The following TMEM212 variants were observed in gnomAD, a reference collection of about 807,000 sequenced individuals.
The protein encoded by TMEM212 is transmembrane protein 212.
TMEM212 carries 23 observed loss-of-function variants against 20.5 expected under a neutral mutation model. The observed-to-expected ratio is 1.12, with a 90% CI of 0.81 to 1.59. The LOEUF is 1.59. Ranked by LOEUF, TMEM212 falls within the 40% of genes most tolerant of loss-of-function variation. The pLI is 0.00. For missense variants in TMEM212, 211 were observed against 215.0 expected (o/e 0.98, Z 0.12); for synonymous variants, 76 against 81.6 (o/e 0.93, Z 0.37).
At chr3:171,844,011 C>T (rs908884268) in intron 1 of TMEM212, among the ~76,000 whole-genome samples, 21 of 152,206 alleles carry the variant, frequency 1.4e-4, no homozygotes, top group African/African-American at 4.8e-4. Flanking sequence ...GTTTTTCCAC[C>T]TTTCTCTTGC....
intron 1 of TMEM212, among the ~76,000 whole-genome samples, chr3:171,848,830 T>G (rs1233511119): frequency 3.3e-5 from 5 of 151,462 alleles, no homozygotes; most frequent in Admixed American, 2.6e-4. Context: ...TGGCTAGAGT[T>G]GAAAAAATAA....
At chr3:171,848,879 C>G (rs1046697420) in intron 1 of TMEM212, among the ~76,000 whole-genome samples, 5 of 151,148 alleles carry the variant, frequency 3.3e-5, no homozygotes, top group Admixed American at 6.6e-5. Context: ...TCTAGGCCTC[C>G]CCGTATTCCA....
At chr3:171,848,392 C>T (rs1724885966) in intron 1 of TMEM212, among the ~76,000 whole-genome samples, 2 of 152,178 alleles carry the variant, frequency 1.3e-5, no homozygotes, top group Admixed American at 6.5e-5. Flanking sequence ...ACAAGGCATA[C>T]CCCTATGCAT....
At chr3:171,853,150 T>C (rs1725024021) in intron 2 of TMEM212, among the ~76,000 whole-genome samples, 1 of 152,122 alleles carries the variant, frequency 6.6e-6, no homozygotes, top group Non-Finnish European at 1.5e-5. Flanking sequence ...TCTCCTCTGG[T>C]GTAGATTGAA....
chr3:171,851,742 C>A (rs1273767642), intron 1 of TMEM212, among the ~76,000 whole-genome samples: 1 of 152,192 alleles, frequency 6.6e-6, no homozygotes, highest in Admixed American at 6.5e-5. Flanking sequence ...ATGGCAAAGG[C>A]AACATAGAGA....
At chr3:171,852,618 T>C (rs1725003168) in intron 2 of TMEM212, among the ~76,000 whole-genome samples, 1 of 152,216 alleles carries the variant, frequency 6.6e-6, no homozygotes, top group Admixed American at 6.5e-5. Flanking sequence ...TTTGAAGAAA[T>C]GGATCTATAG....
intron 1 of TMEM212, among the ~76,000 whole-genome samples, chr3:171,848,805 A>G (rs917032209): frequency 1.3e-5 from 2 of 151,930 alleles, no homozygotes; most frequent in Admixed American, 1.3e-4. Flanking sequence ...ATGACATAAA[A>G]TGTATTCGTT....
chr3:171,858,547 G>T lies in TMEM212; in HGVS notation c.*490G>T, dbSNP rs1280069398. Reference sequence around the variant, plus strand: ...CATGACTAAAACACCAAAAGCAATGGCAACAAAAGCCAAAATAGACAAATC... The same window carrying T: ...CATGACTAAAACACCAAAAGCAATGTCAACAAAAGCCAAAATAGACAAATC... On this transcript the variant is annotated 3_prime_UTR_variant, in exon 5 of 5. Transcript: ENST00000334567. The T allele has an allele frequency of 6.6e-6, 1 of 152,092 alleles. No individual in the cohort carries two copies. Among genetic ancestry groups the T allele is most frequent in the Non-Finnish European group, 1.5e-5 (1 of 68,034 alleles). 9.4% of individuals were successfully genotyped at this position (152,092 alleles called of 1,614,324 possible). A position where few individuals can be genotyped will look rare whatever the true frequency, so the allele number is the denominator to read the frequency against.
rs1460642094 is a variant in TMEM212 at position 171,858,906 on chromosome 3, T to C, written c.*849T>C. The C allele has an allele frequency of 6.6e-6, 1 of 152,034 alleles. No individual in the cohort carries two copies. The highest frequency in any genetic ancestry group is 2.1e-4 in the South Asian group (1 of 4,832). The allele number at this position is 152,034 out of a possible 1,614,324, so 9.4% of individuals were successfully genotyped here. On this transcript the variant is annotated 3_prime_UTR_variant, in exon 5 of 5. Transcript: ENST00000334567. ...TAAAGACTTGGAACCAACCCAAATA[T>C]CCATCAATGATAGATTGGATTAAGA...
chr3:171,857,360 G>A (rs57403442), intron 4 of TMEM212, among the ~76,000 whole-genome samples: 27,448 of 152,022 alleles, frequency 0.18, 2,802 homozygotes, highest in Middle Eastern at 0.25. Flanking sequence ...AATGAACTAC[G>A]ACCCCGATCT....
chr3:171,852,126 T>C (rs927712320), intron 2 of TMEM212, 85 bp downstream of exon 2: 54 of 1,056,392 alleles, frequency 5.1e-5, no homozygotes, highest in Non-Finnish European at 7.1e-5. Context: ...ATAAAAAATA[T>C]GATTTCCAAT....
intron 3 of TMEM212, among the ~76,000 whole-genome samples, chr3:171,854,346 C>T (rs1725062839): frequency 1.3e-5 from 2 of 152,238 alleles, no homozygotes; most frequent in South Asian, 4.1e-4. Flanking sequence ...GCAAGTTCAA[C>T]ATACAAAAAT....
intron 1 of TMEM212, among the ~76,000 whole-genome samples, chr3:171,846,365 C>A (rs1365346251): frequency 6.6e-6 from 1 of 152,168 alleles, no homozygotes; most frequent in Non-Finnish European, 1.5e-5. Flanking sequence ...TCTATTTTTT[C>A]CTCATAACAC....
intron 4 of TMEM212, among the ~76,000 whole-genome samples, chr3:171,857,211 T>C (rs1725139599): frequency 6.6e-6 from 1 of 151,424 alleles, no homozygotes; most frequent in African/African-American, 2.4e-5. Context: ...CATGATAAAA[T>C]AAAAATGGTT....
Position 171,851,977 on chromosome 3 carries a change from C to T in TMEM212, c.160-5C>T. 1 of 1,536,830 alleles carries T rather than the reference C, an allele frequency of 6.5e-7. No individual in the cohort carries two copies. Among genetic ancestry groups the T allele is most frequent in the Non-Finnish European group, 8.7e-7 (1 of 1,146,610 alleles). On this transcript the variant is annotated splice_polypyrimidine_tract_variant and splice_region_variant and intron_variant, in intron 1 of 4. Transcript: ENST00000334567. ...GATGTTTATTTTTCCATTTTCTTGT[C>T]ACAGGCCATCACAACTGGTGTGCTT...
chr3:171,845,196 G>C (rs553955465), intron 1 of TMEM212, among the ~76,000 whole-genome samples: 1 of 151,874 alleles, frequency 6.6e-6, no homozygotes, highest in Non-Finnish European at 1.5e-5. Flanking sequence ...ACTTTTTTTT[G>C]GTGACTCAGA....
At chr3:171,850,511 G>C (rs1724951405) in intron 1 of TMEM212, among the ~76,000 whole-genome samples, 1 of 152,350 alleles carries the variant, frequency 6.6e-6, no homozygotes, top group Middle Eastern at 3.4e-3. Flanking sequence ...GCGTGAGCCT[G>C]TCTCCCTTGC....
At chr3:171,851,880 C>A in intron 1 of TMEM212, 102 bp from the exon 2 acceptor site, 2 of 1,034,048 alleles carry the variant, frequency 1.9e-6, no homozygotes, top group Admixed American at 2.0e-5. Flanking sequence ...ATTTTCTGTT[C>A]CTTCAAGTTC....
chr3:171,852,112 G>C (rs950503617), intron 2 of TMEM212, 71 bp downstream of exon 2: 13 of 1,183,074 alleles, frequency 1.1e-5, no homozygotes, highest in African/African-American at 1.1e-4. Context: ...GTTCAGGATG[G>C]AACATAAAAA....
Sources: gnomAD v4.1 joint callset for allele counts (sites outside exome capture counted in the v4.1 genomes callset) on GRCh38, gnomAD v4.1.1 for gene constraint, MANE v1.5 for transcripts, NCBI Gene and HGNC (gene_info 2026-07-23, HGNC 2026-07-21) for gene names.